The following FAM185A variants were observed in gnomAD, a reference collection of about 807,000 sequenced individuals.
FAM185A encodes family with sequence similarity 185 member A.
A neutral mutation model predicts 45.7 loss-of-function variants in FAM185A; 21 were observed. That is an observed-to-expected ratio of 0.46 (90% CI 0.33 to 0.66). The LOEUF is 0.66. FAM185A is among the 30% of genes least tolerant of loss of function. The probability of loss-of-function intolerance (pLI) is 0.03; values close to 1 mark genes in which losing one functional copy is unlikely to be tolerated. For missense variants in FAM185A, 305 were observed against 485.4 expected, an observed-to-expected ratio of 0.63 and a Z score of 3.49; for synonymous variants, 117 against 194.0, an observed-to-expected ratio of 0.60 and a Z score of 3.30.
chr7:102,771,011 T>C (rs1794711797), intron 4 of FAM185A, among the ~76,000 whole-genome samples: 1 of 152,220 alleles, frequency 6.6e-6, no homozygotes, highest in African/African-American at 2.4e-5. Context: ...ATATACACCA[T>C]GGAATACTAT....
intron 6 of FAM185A, among the ~76,000 whole-genome samples, chr7:102,783,016 C>G (rs566175981): frequency 2.6e-5 from 4 of 151,892 alleles, no homozygotes; most frequent in African/African-American, 9.7e-5. Flanking sequence ...TCTGATAAAA[C>G]AGACTTTAAA....
At chr7:102,845,314 A>T in the FAM185A span, among the ~76,000 whole-genome samples, 2 of 152,212 alleles carry the variant, frequency 1.3e-5, no homozygotes, top group Non-Finnish European at 2.9e-5. Flanking sequence ...ATCAGGAACC[A>T]TGGTCAAAGA....
At position 102,749,675 on chromosome 7, in the gene FAM185A, G is replaced by GAAGTC. The variant is rs1793236616; in HGVS notation, c.451+19_451+20insGTCAA. ...TGAAGTTTGGCAAGTGAAGTGAAGTGAAAACGGGTTTGGGTCCCAGGGAAC... is the reference window on the plus strand; with the variant it reads ...TGAAGTTTGGCAAGTGAAGTGAAGTGAAGTCAAAACGGGTTTGGGTCCCAGGGAAC... On this transcript the variant is annotated intron_variant, in intron 1 of 7. Coordinates refer to ENST00000413034, the MANE Select transcript of FAM185A (RefSeq NM_001145268.2). 1 of 1,473,102 alleles carries GAAGTC rather than the reference G, an allele frequency of 6.8e-7. No individual in the cohort carries two copies. The highest frequency in any genetic ancestry group is 9.0e-7 in the Non-Finnish European group (1 of 1,115,490). 91.3% of individuals were successfully genotyped at this position (1,473,102 alleles called of 1,614,324 possible). A position where few individuals can be genotyped will look rare whatever the true frequency, so the allele number is the denominator to read the frequency against.
At chr7:102,788,105 C>T (rs1385571806) in intron 7 of FAM185A, among the ~76,000 whole-genome samples, 2 of 152,104 alleles carry the variant, frequency 1.3e-5, no homozygotes, top group Non-Finnish European at 2.9e-5. Context: ...GCTGGGACTA[C>T]AGGCATGCAC....
chr7:102,783,145 T>G (rs1782699550), intron 6 of FAM185A, among the ~76,000 whole-genome samples: 1 of 151,310 alleles, frequency 6.6e-6, no homozygotes, highest in Admixed American at 6.6e-5. Flanking sequence ...CCCAGATTCA[T>G]AAAGCAAGTC....
chr7:102,810,426 TTCACCATG>T (rs2129444284), downstream of FAM185A, among the ~76,000 whole-genome samples: 1 of 152,230 alleles, frequency 6.6e-6, no homozygotes, highest in South Asian at 2.1e-4. Flanking sequence ...AGAGATGGGT[TTCACCATG>T]TTGGCCAGGC....
chr7:102,764,391 G>A (rs1794268459), intron 4 of FAM185A, among the ~76,000 whole-genome samples: 2 of 144,970 alleles, frequency 1.4e-5, no homozygotes, highest in Non-Finnish European at 3.0e-5. Flanking sequence ...CATGCTTTTG[G>A]AGTTTGTAGT....
the FAM185A span, among the ~76,000 whole-genome samples, chr7:102,822,643 G>A: frequency 2.0e-5 from 3 of 152,180 alleles, no homozygotes; most frequent in Non-Finnish European, 4.4e-5. Context: ...AACAAATAGA[G>A]TAACAAAATC....
chr7:102,798,462 G>C (rs920387060), intron 7 of FAM185A, among the ~76,000 whole-genome samples: 1 of 152,162 alleles, frequency 6.6e-6, no homozygotes, highest in African/African-American at 2.4e-5. Flanking sequence ...GAAATTGCTT[G>C]TGTGTTCTTT....
chr7:102,814,476 A>C, the FAM185A span: 1 of 152,242 alleles, frequency 6.6e-6, no homozygotes, highest in Admixed American at 6.5e-5. Context: ...AACCAACAAC[A>C]TAGAGATAAC....
chr7:102,824,699 T>A, the FAM185A span, among the ~76,000 whole-genome samples: 1 of 151,986 alleles, frequency 6.6e-6, no homozygotes, highest in Non-Finnish European at 1.5e-5. Context: ...TTGGTCAGGC[T>A]GGTCTCAAAC....
At chr7:102,834,088 A>AAGGAAGGAAGGAAGGGAG in the FAM185A span, among the ~76,000 whole-genome samples, 2 of 61,748 alleles carry the variant, frequency 3.2e-5, no homozygotes, top group African/African-American at 1.4e-4. Flanking sequence ...AAGGAAAGAA[A>AAGGAAGGAAGGAAGGGAG]AGAAAGAAAG....
the FAM185A span, among the ~76,000 whole-genome samples, chr7:102,831,205 T>C: frequency 4.8e-4 from 73 of 152,190 alleles, no homozygotes; most frequent in African/African-American, 1.7e-3. Flanking sequence ...GCACTCAGCA[T>C]TGAGTCACTT....
chr7:102,800,277 A>C (rs1202987426), intron 7 of FAM185A, among the ~76,000 whole-genome samples: 2 of 152,194 alleles, frequency 1.3e-5, no homozygotes, highest in African/African-American at 4.8e-5. Flanking sequence ...CCTCTGACAG[A>C]GCCTACCCAA....
chr7:102,810,073 C>T (rs180997921), downstream of FAM185A, among the ~76,000 whole-genome samples: 9 of 152,196 alleles, frequency 5.9e-5, no homozygotes, highest in East Asian at 3.9e-4. Flanking sequence ...CAGAGAGGCC[C>T]GTGCGATGCT....
intron 3 of FAM185A, among the ~76,000 whole-genome samples, chr7:102,759,540 C>T (rs1288183648): frequency 2.0e-5 from 3 of 151,828 alleles, no homozygotes; most frequent in Admixed American, 2.0e-4. Context: ...ACTTTTAATA[C>T]ACAACTTTCA....
At chr7:102,832,797 G>A in the FAM185A span, 1 of 1,611,192 alleles carries the variant, frequency 6.2e-7, no homozygotes, top group Non-Finnish European at 8.5e-7. Flanking sequence ...TCCCTTGGCA[G>A]TGCTTAAATT....
chr7:102,839,669 ACTC>A, the FAM185A span, among the ~76,000 whole-genome samples: 6 of 151,080 alleles, frequency 4.0e-5, no homozygotes, highest in Non-Finnish European at 8.9e-5. Context: ...CTGGTCTTGA[ACTC>A]CTGACCTCAG....
the FAM185A span, among the ~76,000 whole-genome samples, chr7:102,847,517 ATTTT>A: frequency 6.6e-6 from 1 of 151,298 alleles, no homozygotes; most frequent in East Asian, 1.9e-4. Context: ...TTAACACTCA[ATTTT>A]TTTTTCTTTC....
Sources: allele counts gnomAD v4.1 joint callset (sites outside exome capture counted in the v4.1 genomes callset), GRCh38; gene constraint gnomAD v4.1.1; transcripts MANE v1.5; gene names NCBI Gene and HGNC (gene_info 2026-07-23, HGNC 2026-07-21).